HTR4: variants seen among roughly 807,000 people sequenced by gnomAD.
HTR4 encodes 5-hydroxytryptamine receptor 4.
A neutral mutation model predicts 36.8 loss-of-function variants in HTR4; 16 were observed. That is an observed-to-expected ratio of 0.43 (90% CI 0.29 to 0.66). The LOEUF (loss-of-function observed/expected upper bound fraction) is 0.66. Ranked by LOEUF, HTR4 falls within the 30% of genes least tolerant of loss-of-function variation. The pLI is 0.13. For missense variants in HTR4, 438 were observed against 490.9 expected, an observed-to-expected ratio of 0.89 and a Z score of 1.02; for synonymous variants, 189 against 185.1, an observed-to-expected ratio of 1.02 and a Z score of -0.17.
intron 2 of HTR4, among the ~76,000 whole-genome samples, chr5:148,599,595 T>C (rs955434921): frequency 8.5e-5 from 13 of 152,054 alleles, no homozygotes; most frequent in African/African-American, 3.1e-4. Flanking sequence ...AAACAGAATT[T>C]GTCATCATAT....
chr5:148,558,291 G>T (rs1469541166), intron 2 of HTR4, among the ~76,000 whole-genome samples: 1 of 151,980 alleles, frequency 6.6e-6, no homozygotes, highest in African/African-American at 2.4e-5. Context: ...GGTCCCTGTT[G>T]GTTTCTATAC....
In HTR4 at chr5:148,481,889, C is replaced by A; in HGVS notation, c.*1314G>T. 1 of 1,183,654 alleles carries A rather than the reference C, an allele frequency of 8.4e-7. No homozygotes were observed. 73.3% of individuals were successfully genotyped at this position (1,183,654 alleles called of 1,614,324 possible). A position where few individuals can be genotyped will look rare whatever the true frequency, so the allele number is the denominator to read the frequency against. ...TGGAAAGGTCAGGGGTCTAAAAGGC[C>A]CAAATGAGGAGGGTCGTTCCTTTGA... On this transcript the variant is annotated 3_prime_UTR_variant, in exon 7 of 7. Transcript: ENST00000377888.
At chr5:148,536,209 C>A (rs1046870608) in intron 4 of HTR4, among the ~76,000 whole-genome samples, 9 of 152,056 alleles carry the variant, frequency 5.9e-5, no homozygotes, top group African/African-American at 2.2e-4. Context: ...TACCACCAGA[C>A]CTGCTTTACA....
chr5:148,536,716 C>T (rs1299540914), intron 4 of HTR4, among the ~76,000 whole-genome samples: 5 of 152,196 alleles, frequency 3.3e-5, no homozygotes, highest in Non-Finnish European at 7.3e-5. Context: ...GCACTCAACA[C>T]AGAAGCACCC....
chr5:148,507,122 C>T (rs1316411472), intron 6 of HTR4, among the ~76,000 whole-genome samples: 13 of 151,940 alleles, frequency 8.6e-5, no homozygotes, highest in Non-Finnish European at 4.4e-5. Flanking sequence ...TTGGAACCAA[C>T]CCAAATGTCC....
intron 4 of HTR4, among the ~76,000 whole-genome samples, chr5:148,527,313 T>C (rs1758329648): frequency 6.6e-6 from 1 of 152,206 alleles, no homozygotes; most frequent in Non-Finnish European, 1.5e-5. Flanking sequence ...GGGAAAATAA[T>C]AGAATTTACA....
chr5:148,490,125 G>GTA (rs1222478027), intron 6 of HTR4, among the ~76,000 whole-genome samples: 2 of 148,356 alleles, frequency 1.3e-5, no homozygotes, highest in African/African-American at 4.9e-5. Flanking sequence ...TCATGCAAAT[G>GTA]TATATATACA....
chr5:148,455,616 C>T (rs1423166120), intron 5 of HTR4, among the ~76,000 whole-genome samples: 3 of 152,060 alleles, frequency 2.0e-5, no homozygotes, highest in Admixed American at 6.6e-5. Context: ...CAGATGGGCA[C>T]GTTTTCCAGT....
chr5:148,497,793 C>G (rs1756754652), intron 6 of HTR4, among the ~76,000 whole-genome samples: 1 of 152,222 alleles, frequency 6.6e-6, no homozygotes, highest in African/African-American at 2.4e-5. Flanking sequence ...GAATTCCACA[C>G]ACTGGCATTA....
chr5:148,531,752 T>C (rs181541065), intron 4 of HTR4, among the ~76,000 whole-genome samples: 173 of 152,262 alleles, frequency 1.1e-3, no homozygotes, highest in African/African-American at 4.1e-3. Flanking sequence ...TTAATTTAAA[T>C]TTCTATCTAA....
intron 2 of HTR4, among the ~76,000 whole-genome samples, chr5:148,566,645 G>A (rs1042257960): frequency 2.6e-5 from 4 of 152,088 alleles, no homozygotes; most frequent in African/African-American, 7.2e-5. Flanking sequence ...TTGGCATTTC[G>A]TACATCTGAA....
intron 6 of HTR4, among the ~76,000 whole-genome samples, chr5:148,503,326 G>C (rs186008312): frequency 2.6e-5 from 4 of 152,170 alleles, no homozygotes; most frequent in African/African-American, 4.8e-5. Flanking sequence ...GAAGAGGGTG[G>C]GGGCCAATAT....
At chr5:148,493,760 T>C (rs1382895919) in intron 6 of HTR4, among the ~76,000 whole-genome samples, 2 of 152,198 alleles carry the variant, frequency 1.3e-5, no homozygotes, top group African/African-American at 4.8e-5. Flanking sequence ...TGTATTTTTA[T>C]TTTGCATTTG....
At chr5:148,594,299 A>T (rs1011860460) in intron 2 of HTR4, among the ~76,000 whole-genome samples, 2 of 152,046 alleles carry the variant, frequency 1.3e-5, no homozygotes, top group African/African-American at 2.4e-5. Context: ...AAGAATAAAA[A>T]GTTGAGATCA....
intron 6 of HTR4, among the ~76,000 whole-genome samples, chr5:148,495,250 A>T (rs1441018019): frequency 6.6e-6 from 1 of 152,222 alleles, no homozygotes; most frequent in Admixed American, 6.5e-5. Context: ...AAGCAAATTC[A>T]CATCAATTAT....
At chr5:148,500,542 T>C (rs1394052077) in intron 6 of HTR4, among the ~76,000 whole-genome samples, 1 of 151,804 alleles carries the variant, frequency 6.6e-6, no homozygotes, top group African/African-American at 2.4e-5. Flanking sequence ...ATTTGAAACT[T>C]CTGTAAGTCA....
At chr5:148,548,916 GA>G in intron 3 of HTR4, 48 bp from the exon 4 acceptor site, 3 of 1,323,456 alleles carry the variant, frequency 2.3e-6, no homozygotes, top group Non-Finnish European at 2.2e-6. Context: ...GGGATGAAGG[GA>G]AAAAGGGGAG....
chr5:148,457,738 TG>T (rs1384003333), intron 5 of HTR4, among the ~76,000 whole-genome samples: 2 of 144,540 alleles, frequency 1.4e-5, no homozygotes, highest in East Asian at 3.9e-4. Flanking sequence ...AAATATATTT[TG>T]GTATATCATT....
At chr5:148,522,323 C>T (rs1432915) in intron 5 of HTR4, among the ~76,000 whole-genome samples, 23,969 of 152,068 alleles carry the variant, frequency 0.16, 3,469 homozygotes, top group African/African-American at 0.38. Context: ...GGAATAAAGA[C>T]CTTTTGGGGC....
Sources: gnomAD v4.1 joint callset for allele counts (sites outside exome capture counted in the v4.1 genomes callset) on GRCh38, gnomAD v4.1.1 for gene constraint, MANE v1.5 for transcripts, NCBI Gene and HGNC (gene_info 2026-07-23, HGNC 2026-07-21) for gene names.